EGF: variants seen among roughly 807,000 people sequenced by gnomAD.
EGF encodes the protein pro-epidermal growth factor.
EGF carries 95 observed loss-of-function variants against 143.8 expected under a neutral mutation model. The observed-to-expected ratio is 0.66, with a 90% CI of 0.56 to 0.78. EGF has a LOEUF of 0.78. Ranked by LOEUF, EGF falls within the 30% of genes least tolerant of loss-of-function variation. The pLI is 0.00. For missense variants in EGF, 1,320 were observed against 1,470.9 expected, an observed-to-expected ratio of 0.90 and a Z score of 1.68; for synonymous variants, 510 against 510.5, an observed-to-expected ratio of 1.00 and a Z score of 0.01.
intron 20 of EGF, among the ~76,000 whole-genome samples, chr4:109,996,629 G>T (rs1751827849): frequency 6.6e-6 from 1 of 152,166 alleles, no homozygotes. Flanking sequence ...GTGTCATTCT[G>T]TACAGAGTGC....
intron 10 of EGF, among the ~76,000 whole-genome samples, chr4:109,965,848 A>G (rs1319374187): frequency 1.3e-5 from 2 of 151,962 alleles, no homozygotes; most frequent in South Asian, 2.1e-4. Flanking sequence ...GGAGTGAAGT[A>G]CCCCTATTTG....
chr4:109,919,936 T>C (rs1382305467), intron 1 of EGF, among the ~76,000 whole-genome samples: 1 of 151,746 alleles, frequency 6.6e-6, no homozygotes, highest in Admixed American at 6.6e-5. Flanking sequence ...AATAGAGAAG[T>C]ATGCTCAGAA....
At chr4:109,974,670 A>G (rs775359058) in intron 11 of EGF, 33 bp from the exon 12 acceptor site, 2 of 1,516,382 alleles carry the variant, frequency 1.3e-6, no homozygotes, top group East Asian at 4.5e-5. Context: ...TAAAGGTGTT[A>G]TAACAAACTC....
In EGF at chr4:109,943,848, A is replaced by AC; in HGVS notation, c.516_517insC (p.Phe173LeufsTer12). ...GTAATGTGTTTGCCCTCAGGTTTATATTTTGGTCTTCAGAGGTGGCTGGAA... is the reference window on the plus strand; with the variant it reads ...GTAATGTGTTTGCCCTCAGGTTTATACTTTTGGTCTTCAGAGGTGGCTGGAA... On this transcript the variant is annotated frameshift_variant, in exon 4 of 24. Coordinates refer to ENST00000265171, the MANE Select transcript of EGF (RefSeq NM_001963.6). LOFTEE classifies it high-confidence loss of function. The AC allele has an allele frequency of 6.2e-7, 1 of 1,614,100 alleles. No individual in the cohort carries two copies. The highest frequency in any genetic ancestry group is 2.2e-5 in the East Asian group (1 of 44,870).
intron 1 of EGF, among the ~76,000 whole-genome samples, chr4:109,927,848 T>TGTGTGAGA (rs35084748): frequency 1.4e-5 from 2 of 142,434 alleles, no homozygotes; most frequent in African/African-American, 5.2e-5. Flanking sequence ...TGTGTGTGTG[T>TGTGTGAGA]GAAACATTTG....
chr4:109,996,100 C>T (rs1357446801), intron 20 of EGF, among the ~76,000 whole-genome samples: 1 of 152,088 alleles, frequency 6.6e-6, no homozygotes, highest in African/African-American at 2.4e-5. Context: ...AATGAAATTA[C>T]AAAAATAAAT....
Position 109,968,988 on chromosome 4 carries a change from A to T in EGF, c.1593A>T (p.Thr531=). ...TTTTGTAGATATACTTTGCCCATAC[A>T]GCCCTGAAGTGGATAGAGAGAGCTA... ...PVENKIYFAH[T]ALKWIERANM... is the part of the protein sequence containing the mutation. The change falls in exon 11 of 24, where the codon ACA becomes ACT. Residue 531 remains threonine, a synonymous_variant. Coordinates refer to ENST00000265171, the MANE Select transcript of EGF (RefSeq NM_001963.6). 1 of 1,614,182 alleles carries T rather than the reference A, an allele frequency of 6.2e-7. No individual in the cohort carries two copies. The highest frequency in any genetic ancestry group is 8.5e-7 in the Non-Finnish European group (1 of 1,180,006).
chr4:109,933,363 C>A (rs886466443), intron 1 of EGF, among the ~76,000 whole-genome samples: 4 of 151,960 alleles, frequency 2.6e-5, no homozygotes, highest in African/African-American at 9.7e-5. Flanking sequence ...TATGCTGGCA[C>A]CTATTTCAAA....
In EGF at chr4:109,940,762, A is replaced by G. The variant is rs137917563; in HGVS notation, c.128-184A>G. ...TTATAATCAGTTTGTGGAGAAGACA[A>G]TTTACAAAGTGGAGTGTGAATATCT... On this transcript the variant is annotated intron_variant, in intron 1 of 23. Transcript: ENST00000265171. 1.0e-3 allele frequency: 625 copies of G among 614,636 alleles called. 3 individuals carry two copies. The Middle Eastern group carries it at 0.019, about 18-fold the overall frequency. The allele number at this position is 614,636 out of a possible 1,614,324, so 38.1% of individuals were successfully genotyped here. A position where few individuals can be genotyped will look rare whatever the true frequency, so the allele number is the denominator to read the frequency against.
In EGF at chr4:109,963,140, C is replaced by T. The variant is rs3733628; in HGVS notation, c.1313-33C>T. 0.015 allele frequency: 24,086 copies of T among 1,610,814 alleles called. 2,270 individuals are homozygous for T. In the East Asian group the frequency reaches 0.23, roughly 16 times the overall value. On this transcript the variant is annotated intron_variant, in intron 8 of 23. Transcript: ENST00000265171. Reference sequence around the variant, plus strand: ...TGAAAAATAATTATATTTTGGATGACGTAGCATCATTACTAAGCAATTGTT... The same window carrying T: ...TGAAAAATAATTATATTTTGGATGATGTAGCATCATTACTAAGCAATTGTT...
At chr4:109,928,932 C>G (rs143064171) in intron 1 of EGF, among the ~76,000 whole-genome samples, 31 of 152,116 alleles carry the variant, frequency 2.0e-4, no homozygotes, top group Non-Finnish European at 4.0e-4. Flanking sequence ...GAGGAGGGGT[C>G]TATTCAGTTG....
chr4:110,008,457 C>A (rs2126198956), intron 23 of EGF, among the ~76,000 whole-genome samples: 1 of 152,262 alleles, frequency 6.6e-6, no homozygotes, highest in South Asian at 2.1e-4. Context: ...AGTCACAGGG[C>A]AGCCCGTGTT....
intron 1 of EGF, among the ~76,000 whole-genome samples, chr4:109,918,251 T>C (rs952092120): frequency 7.6e-6 from 1 of 131,578 alleles, no homozygotes; most frequent in African/African-American, 3.3e-5. Flanking sequence ...GATTGCTAGG[T>C]GTGGTTTTTT....
intron 21 of EGF, among the ~76,000 whole-genome samples, chr4:110,003,986 T>A (rs1436293437): frequency 1.3e-5 from 2 of 152,160 alleles, no homozygotes; most frequent in Non-Finnish European, 2.9e-5. Context: ...GTCACTGCCA[T>A]TTCCAAGCCC....
intron 5 of EGF, 24 bp downstream of exon 5, chr4:109,945,299 A>T: frequency 6.2e-7 from 1 of 1,605,024 alleles, no homozygotes. Context: ...GACCTTGCGC[A>T]GGGCCTGACA....
chr4:109,948,106 T>C (rs549750199), intron 5 of EGF, among the ~76,000 whole-genome samples: 2 of 152,168 alleles, frequency 1.3e-5, no homozygotes, highest in Admixed American at 6.5e-5. Context: ...AAATCTACAA[T>C]GATTCACTAA....
chr4:109,992,767 A>G (rs947256005), intron 18 of EGF, among the ~76,000 whole-genome samples: 1 of 152,154 alleles, frequency 6.6e-6, no homozygotes, highest in Non-Finnish European at 1.5e-5. Context: ...CTATGCAACC[A>G]TAAAAAATGA....
intron 10 of EGF, among the ~76,000 whole-genome samples, chr4:109,968,517 G>T (rs566869855): frequency 3.0e-4 from 45 of 152,154 alleles, no homozygotes; most frequent in African/African-American, 1.0e-3. Flanking sequence ...ATGATCAAGG[G>T]TTAATAAATT....
chr4:109,955,907 T>C (rs1282824839), intron 5 of EGF, among the ~76,000 whole-genome samples: 1 of 152,134 alleles, frequency 6.6e-6, no homozygotes, highest in Non-Finnish European at 1.5e-5. Flanking sequence ...ACAATGGGGA[T>C]GATCATGATA....
Sources: allele counts gnomAD v4.1 joint callset (sites outside exome capture counted in the v4.1 genomes callset), GRCh38; gene constraint gnomAD v4.1.1; transcripts MANE v1.5; gene names NCBI Gene and HGNC (gene_info 2026-07-23, HGNC 2026-07-21).